The following ABHD12 variants were observed in gnomAD, a reference collection of about 807,000 sequenced individuals.
The protein encoded by ABHD12 is lysophosphatidylserine lipase ABHD12.
In ABHD12, 43 loss-of-function variants were observed where a neutral mutation model predicts 58.3. The observed-to-expected ratio is 0.74, with a 90% CI of 0.58 to 0.95. The LOEUF is 0.95. Ranked by LOEUF, ABHD12 falls within the 40% of genes least tolerant of loss-of-function variation. The pLI is 0.00. For synonymous variants in ABHD12, 219 were observed against 211.2 expected (o/e 1.04, Z -0.32); for missense variants, 539 against 537.2 (o/e 1.00, Z -0.03).
At position 25,390,320 on chromosome 20, in the gene ABHD12, T is replaced by A. The variant is rs543719149; in HGVS notation, c.191+193A>T. On this transcript the variant is annotated intron_variant, in intron 1 of 12. Coordinates refer to ENST00000339157, the MANE Select transcript of ABHD12 (RefSeq NM_001042472.3). ...GCAGGGCAGGGCGCTCCCGCCGCGGTGCCTGGGGAAGGGAGCGGGGGTGGG... is the reference window on the plus strand; with the variant it reads ...GCAGGGCAGGGCGCTCCCGCCGCGGAGCCTGGGGAAGGGAGCGGGGGTGGG... 5.3e-4 allele frequency among the ~76,000 whole-genome samples: 81 copies of A among 151,886 alleles called. No individual in the cohort carries two copies. The South Asian group carries it at 0.016, about 30-fold the overall frequency.
At chr20:25,322,165 T>C (rs996013710) in intron 3 of ABHD12, among the ~76,000 whole-genome samples, 1 of 151,848 alleles carries the variant, frequency 6.6e-6, no homozygotes, top group Admixed American at 6.6e-5. Flanking sequence ...AAGCACCACT[T>C]GTGTACAGAA....
Position 25,334,287 on chromosome 20 carries a change from A to G in ABHD12, c.316+4940T>C, listed in dbSNP as rs374699149. Among the ~76,000 whole-genome samples, 86 of 150,302 alleles carry G rather than the reference A, an allele frequency of 5.7e-4. No individual in the cohort carries two copies. In the East Asian group the frequency reaches 0.01, roughly 18 times the overall value. On this transcript the variant is annotated intron_variant, in intron 2 of 12. Coordinates refer to ENST00000339157, the MANE Select transcript of ABHD12 (RefSeq NM_001042472.3). ...TCTTCAAGGAGAACTACAAACCACTACTCAAGGAAATAAAAGAGGATACAA... is the reference window on the plus strand; with the variant it reads ...TCTTCAAGGAGAACTACAAACCACTGCTCAAGGAAATAAAAGAGGATACAA...
At position 25,323,845 on chromosome 20, in the gene ABHD12, A is replaced by C. The variant is rs189936089; in HGVS notation, c.317-415T>G. 6.5e-3 allele frequency among the ~76,000 whole-genome samples: 996 copies of C among 152,324 alleles called. 7 individuals are homozygous for C. Among genetic ancestry groups the C allele is most frequent in the Non-Finnish European group, 0.012 (786 of 68,026 alleles). On this transcript the variant is annotated intron_variant, in intron 2 of 12. Coordinates refer to ENST00000339157, the MANE Select transcript of ABHD12 (RefSeq NM_001042472.3). ...GGAGGCTGGGGAGGCTGAGCCTGCG[A>C]ATAACTCAGGTGCCTGGTGGAGTGG...
At position 25,320,336 on chromosome 20, in the gene ABHD12, G is replaced by A; in HGVS notation, c.423-18C>T. ...CGGTGTGCCTGCAGACAGAAGCAGAGGGGAGCGCAGGATCAGATGTCCCTT... is the reference window on the plus strand; with the variant it reads ...CGGTGTGCCTGCAGACAGAAGCAGAAGGGAGCGCAGGATCAGATGTCCCTT... On this transcript the variant is annotated intron_variant, in intron 3 of 12. Coordinates refer to ENST00000339157, the MANE Select transcript of ABHD12 (RefSeq NM_001042472.3). The A allele has an allele frequency of 1.9e-6, 3 of 1,612,432 alleles. No homozygotes were observed. The South Asian group carries it at 3.3e-5, about 18-fold the overall frequency.
At chr20:25,359,472 A>G (rs2089716195) in intron 1 of ABHD12, among the ~76,000 whole-genome samples, 1 of 151,060 alleles carries the variant, frequency 6.6e-6, no homozygotes, top group Non-Finnish European at 1.5e-5. Flanking sequence ...TTTCTTCTAT[A>G]CATTTTTAAA....
chr20:25,389,998 C>T (rs1215665658), intron 1 of ABHD12: 1 of 152,376 alleles, frequency 6.6e-6, no homozygotes, highest in Non-Finnish European at 1.5e-5. Context: ...GGGCGCCCGC[C>T]CGGGCGCTCG....
At chr20:25,361,116 GGCT>G (rs969430718) in intron 1 of ABHD12, among the ~76,000 whole-genome samples, 10 of 152,302 alleles carry the variant, frequency 6.6e-5, no homozygotes, top group African/African-American at 2.4e-4. Context: ...CACGCTAAGC[GGCT>G]GCTGAACCTC....
chr20:25,360,227 C>CTTTTATTTTT (rs2089726765), intron 1 of ABHD12, among the ~76,000 whole-genome samples: 1 of 37,392 alleles, frequency 2.7e-5, no homozygotes, highest in African/African-American at 1.0e-4. Flanking sequence ...GAACACGTTA[C>CTTTTATTTTT]TTTTTTTTTT....
chr20:25,322,381 A>ATATATATATATATAT lies in ABHD12; in HGVS notation c.422+943_422+944insATATATATATATATA. On this transcript the variant is annotated intron_variant, in intron 3 of 12. Coordinates refer to ENST00000339157, the MANE Select transcript of ABHD12 (RefSeq NM_001042472.3). ...GGAAAAGATATATATATATATATAT[A>ATATATATATATATAT]TTTTTTTTTTTTTTTGAGACAAGAG... is the stretch of plus-strand genomic sequence containing the variant. Among the ~76,000 whole-genome samples the ATATATATATATATAT allele has an allele frequency of 9.1e-4, 54 of 59,260 alleles. 1 individual carries two copies. The highest frequency in any genetic ancestry group is 4.2e-3 in the African/African-American group (51 of 12,088). 38.9% of individuals were successfully genotyped at this position (59,260 alleles called of 152,430 possible). A position where few individuals can be genotyped will look rare whatever the true frequency, so the allele number is the denominator to read the frequency against.
At chr20:25,388,353 T>C (rs2090122416) in intron 1 of ABHD12, among the ~76,000 whole-genome samples, 1 of 152,184 alleles carries the variant, frequency 6.6e-6, no homozygotes, top group Non-Finnish European at 1.5e-5. Context: ...CTGGAGATAC[T>C]TAAGTGGAGA....
At chr20:25,386,327 G>A (rs1325653971) in intron 1 of ABHD12, among the ~76,000 whole-genome samples, 2 of 147,546 alleles carry the variant, frequency 1.4e-5, no homozygotes. Flanking sequence ...GGTGCAATCT[G>A]GGCTCGCTGC....
At chr20:25,303,091 C>T (rs2088667299) in intron 11 of ABHD12, among the ~76,000 whole-genome samples, 2 of 152,204 alleles carry the variant, frequency 1.3e-5, no homozygotes, top group Non-Finnish European at 1.5e-5. Context: ...ATTCCAAAGG[C>T]AAGGAAACAG....
intron 1 of ABHD12, among the ~76,000 whole-genome samples, chr20:25,361,999 G>A (rs1306077087): frequency 2.6e-5 from 4 of 151,940 alleles, no homozygotes; most frequent in Non-Finnish European, 5.9e-5. Context: ...TTACACCCGG[G>A]CACGGTGGCT....
At chr20:25,306,972 G>T in intron 9 of ABHD12, 57 bp from the exon 10 acceptor site, 1 of 1,282,750 alleles carries the variant, frequency 7.8e-7, no homozygotes, top group Non-Finnish European at 1.1e-6. Context: ...CCAGGCACAG[G>T]TCAAGGGTGC....
chr20:25,332,143 AG>A (rs1395846255), intron 2 of ABHD12, among the ~76,000 whole-genome samples: 1 of 151,976 alleles, frequency 6.6e-6, no homozygotes, highest in African/African-American at 2.4e-5. Context: ...AAAAAAAGGC[AG>A]GGGTTGCAAT....
chr20:25,390,590 C>G lies in ABHD12; in HGVS notation c.114G>C (p.Gln38His). The stretch of plus-strand genomic sequence containing the variant: ...CCGCCGGGCCCGTCAGGCGTAGGTT[C>G]TGCTTCAGGCGGCAGTCGGCGTCCA... ...AALDADCRLK[Q>H]NLRLTGPAAA... The change falls in exon 1 of 13, where the codon CAG becomes CAC. Residue 38 changes from glutamine (Q) to histidine (H), a missense_variant. Transcript: ENST00000339157. 1 of 1,474,372 alleles carries G rather than the reference C, an allele frequency of 6.8e-7. No homozygotes were observed. Among genetic ancestry groups the G allele is most frequent in the Admixed American group, 2.3e-5 (1 of 43,176 alleles). 91.3% of individuals were successfully genotyped at this position (1,474,372 alleles called of 1,614,324 possible).
At chr20:25,350,959 TCACA>T (rs61061019) in intron 1 of ABHD12, among the ~76,000 whole-genome samples, 15,176 of 141,748 alleles carry the variant, frequency 0.11, 894 homozygotes, top group East Asian at 0.32. Flanking sequence ...TACGAATCCT[TCACA>T]CACACACACA....
chr20:25,356,621 C>T (rs148559157), intron 1 of ABHD12, among the ~76,000 whole-genome samples: 6 of 152,244 alleles, frequency 3.9e-5, no homozygotes, highest in East Asian at 1.9e-4. Context: ...GTTCCTTTGA[C>T]GGGGGAGGAA....
rs565045526 is a variant in ABHD12 at position 25,378,171 on chromosome 20, A to G, written c.191+12342T>C. On this transcript the variant is annotated intron_variant, in intron 1 of 12. Transcript: ENST00000339157. ...AGAGCAACACAGGAGTCTTTAAGAA[A>G]GGATAAATGTGAATGAAGGTAGACT... Among the ~76,000 whole-genome samples the G allele has an allele frequency of 9.2e-5, 14 of 152,354 alleles. No homozygotes were observed. In the South Asian group the frequency reaches 1.0e-3, roughly 11 times the overall value.
Sources: allele counts gnomAD v4.1 joint callset (sites outside exome capture counted in the v4.1 genomes callset), GRCh38; gene constraint gnomAD v4.1.1; transcripts MANE v1.5; gene names NCBI Gene and HGNC (gene_info 2026-07-23, HGNC 2026-07-21).